Variants in PRRC2B observed in about 807,000 individuals in gnomAD.
PRRC2B encodes the protein protein PRRC2B.
Under a neutral mutation model 242.3 loss-of-function variants are expected in PRRC2B, and 68 were observed. The ratio of observed to expected loss-of-function variants is 0.28; its 90% CI spans 0.23 to 0.34. The LOEUF (loss-of-function observed/expected upper bound fraction) is 0.34, where lower values mean the gene tolerates loss of function less well. Among genes scored for constraint, PRRC2B ranks in the 10% least tolerant of loss-of-function variants. PRRC2B has a pLI of 1.00. For synonymous variants in PRRC2B, 1,228 were observed against 1,173.6 expected (o/e 1.05, Z -0.95); for missense variants, 2,835 against 2,954.8 (o/e 0.96, Z 0.94).
intron 1 of PRRC2B, among the ~76,000 whole-genome samples, chr9:131,406,879 C>T (rs541058168): frequency 4.6e-5 from 7 of 152,272 alleles, no homozygotes; most frequent in African/African-American, 1.4e-4. Flanking sequence ...TCCTTCTTCC[C>T]TGCTGTTTCT....
At chr9:131,397,317 T>G (rs1837089881) in intron 1 of PRRC2B, among the ~76,000 whole-genome samples, 1 of 152,144 alleles carries the variant, frequency 6.6e-6, no homozygotes, top group African/African-American at 2.4e-5. Context: ...AGTGGCCGTC[T>G]CCAGCCTCCA....
Position 131,487,590 on chromosome 9 carries a change from G to A in PRRC2B, c.5985-266G>A, listed in dbSNP as rs1944063035. 6.6e-6 allele frequency among the ~76,000 whole-genome samples: 1 copy of A among 152,092 alleles called. No homozygotes were observed. Among genetic ancestry groups the A allele is most frequent in the African/African-American group, 2.4e-5 (1 of 41,404 alleles). ...ACTCCCTGTCTCCTCCCCACCGCGG[G>A]CTTCTCCGTCAGTGTGGCTGCCAGT... is the stretch of plus-strand genomic sequence containing the variant. On this transcript the variant is annotated intron_variant, in intron 27 of 31. Coordinates refer to ENST00000683519, the MANE Select transcript of PRRC2B (RefSeq NM_013318.4). This position sits in a 1 kb window ranked among gnomAD's most constrained non-coding sequence, Gnocchi z 5.3.
At chr9:131,420,201 C>A (rs1367073057) in intron 1 of PRRC2B, among the ~76,000 whole-genome samples, 1 of 152,062 alleles carries the variant, frequency 6.6e-6, no homozygotes, top group South Asian at 2.1e-4. Flanking sequence ...ACCAGGAACC[C>A]CACTTTCCCC....
In PRRC2B at chr9:131,483,401, A is replaced by G. The variant is rs1943928378; in HGVS notation, c.5416A>G (p.Thr1806Ala). 1 of 1,613,796 alleles carries G rather than the reference A, an allele frequency of 6.2e-7. No homozygotes were observed. Reference sequence around the variant, plus strand: ...GCCACCTGGTTCTGCCTCTGGTCCTACTGGGAGTCCAGTTGTTAAACTTCA... The same window carrying G: ...GCCACCTGGTTCTGCCTCTGGTCCTGCTGGGAGTCCAGTTGTTAAACTTCA... ...SLPPGSASGP[T>A]GSPVVKLQDA... is the part of the protein sequence containing the mutation. Residue 1806 changes from threonine (T) to alanine (A), a missense_variant, in exon 23 of 32, where the codon ACT (threonine) becomes GCT (alanine). By Grantham distance (58) the Thr-to-Ala change is moderately conservative (BLOSUM62 0). Coordinates refer to ENST00000683519, the MANE Select transcript of PRRC2B (RefSeq NM_013318.4).
rs145539042 is a variant in PRRC2B, at chr9:131,443,739, A to T, written c.470-446A>T. Among the ~76,000 whole-genome samples, 42 of 152,288 alleles carry T rather than the reference A, an allele frequency of 2.8e-4. No individual in the cohort carries two copies. The East Asian group carries it at 7.9e-3, about 29-fold the overall frequency. ...AGCCACTGTGCCAGGCAAAAGCAGC[A>T]TCTTAATCCTTTTGGGGTGGACTGG... On this transcript the variant is annotated intron_variant, in intron 5 of 31. Coordinates refer to ENST00000683519, the MANE Select transcript of PRRC2B (RefSeq NM_013318.4).
At chr9:131,485,726 G>A in intron 25 of PRRC2B, 1 of 571,306 alleles carries the variant, frequency 1.8e-6, no homozygotes, top group South Asian at 1.4e-5. Context: ...ATAGCAGGGA[G>A]ATGAAGAGGA....
rs1201056920 is a variant in PRRC2B at position 131,487,913 on chromosome 9, G to A, written c.6042G>A (p.Gly2014=). Residue 2014 remains glycine (G), a synonymous_variant, in exon 28 of 32, where the codon GGG becomes GGA. Coordinates refer to ENST00000683519, the MANE Select transcript of PRRC2B (RefSeq NM_013318.4). This position sits in a 1 kb window ranked among gnomAD's most constrained non-coding sequence, Gnocchi z 5.3. ...CGCCCAGCACCATGATCCTCTCTGG[G>A]GGCACAGCCTTGAAGCCTCCATACT... ...LSPPSTMILS[G]GTALKPPYSA... is the part of the protein sequence containing the mutation. 1 of 1,613,874 alleles carries A rather than the reference G, an allele frequency of 6.2e-7. No individual in the cohort carries two copies. The highest frequency in any genetic ancestry group is 1.1e-5 in the South Asian group (1 of 91,066).
At chr9:131,410,722 T>G (rs1463022183) in intron 1 of PRRC2B, among the ~76,000 whole-genome samples, 2 of 152,230 alleles carry the variant, frequency 1.3e-5, no homozygotes, top group African/African-American at 4.8e-5. Flanking sequence ...ATTCATTTTT[T>G]CTTTTCTTTT....
chr9:131,467,819 C>A, intron 13 of PRRC2B, 66 bp downstream of exon 13: 1 of 1,523,316 alleles, frequency 6.6e-7, no homozygotes, highest in Non-Finnish European at 9.0e-7. Context: ...TGTTTCCCCT[C>A]CTCGTCCCCA....
rs1239774862 is a variant in PRRC2B, at chr9:131,487,457, CTG to C, written c.5984+166_5984+167del. 6.6e-6 allele frequency among the ~76,000 whole-genome samples: 1 copy of C among 152,228 alleles called. No homozygotes were observed. The highest frequency in any genetic ancestry group is 2.4e-5 in the African/African-American group (1 of 41,446). On this transcript the variant is annotated intron_variant, in intron 27 of 31. Transcript: ENST00000683519. This position sits in a 1 kb window ranked among gnomAD's most constrained non-coding sequence, Gnocchi z 5.3. ...GAATCACTCTTCAGTCCGTTGTTAA[CTG>C]TGCTCTAGGAGAGGCCTGGGGCGAG...
At chr9:131,414,730 C>G (rs997034099) in intron 1 of PRRC2B, among the ~76,000 whole-genome samples, 2 of 151,862 alleles carry the variant, frequency 1.3e-5, no homozygotes, top group Non-Finnish European at 2.9e-5. Context: ...CCACCACGCC[C>G]AACTGATTTT....
intron 1 of PRRC2B, among the ~76,000 whole-genome samples, chr9:131,398,789 A>G (rs1223206869): frequency 6.6e-6 from 1 of 152,032 alleles, no homozygotes; most frequent in African/African-American, 2.4e-5. Flanking sequence ...CAGCCTGGGC[A>G]ATGTGATGAA....
rs751058670 is a variant in PRRC2B at position 131,479,208 on chromosome 9, C to G, written c.4759-44C>G. On this transcript the variant is annotated intron_variant, in intron 18 of 31. Coordinates refer to ENST00000683519, the MANE Select transcript of PRRC2B (RefSeq NM_013318.4). ...CTTATCCTGGGGAGAATTTGTCAGT[C>G]TTGGTGCCTTTGGCTAGACTACAGC... The G allele has an allele frequency of 4.4e-6, 7 of 1,603,496 alleles. No individual in the cohort carries two copies. In the African/African-American group the frequency reaches 6.7e-5, roughly 15 times the overall value.
At chr9:131,456,409 A>G (rs1312102512) in intron 10 of PRRC2B, among the ~76,000 whole-genome samples, 2 of 151,958 alleles carry the variant, frequency 1.3e-5, no homozygotes, top group African/African-American at 4.8e-5. Context: ...AGGCGGGCGG[A>G]TCACGAGGTC....
intron 1 of PRRC2B, among the ~76,000 whole-genome samples, chr9:131,388,999 C>T (rs1315181050): frequency 4.7e-5 from 7 of 147,434 alleles, no homozygotes; most frequent in Non-Finnish European, 7.5e-5. Flanking sequence ...TGCCGCCACT[C>T]CTGGCAAATT....
In PRRC2B at chr9:131,467,621, A is replaced by C. The variant is rs1943434303; in HGVS notation, c.1779A>C (p.Thr593=). The change falls in exon 13 of 32, where the codon ACA becomes ACC. Residue 593 remains threonine, a synonymous_variant. Coordinates refer to ENST00000683519, the MANE Select transcript of PRRC2B (RefSeq NM_013318.4). Reference sequence around the variant, plus strand: ...CCACATTCCCAGAAGAGGCACCCACAGTGTCCCCAGCAGTGGCACAGAGCA... The same window carrying C: ...CCACATTCCCAGAAGAGGCACCCACCGTGTCCCCAGCAGTGGCACAGAGCA... ...TPTTFPEEAP[T]VSPAVAQSNS... is the part of the protein sequence containing the mutation. 6.2e-7 allele frequency: 1 copy of C among 1,613,536 alleles called. No homozygotes were observed. Among genetic ancestry groups the C allele is most frequent in the African/African-American group, 1.3e-5 (1 of 74,916 alleles).
At chr9:131,390,030 C>T (rs1403829283), upstream of PRRC2B, among the ~76,000 whole-genome samples, 1 of 144,926 alleles carries the variant, frequency 6.9e-6, no homozygotes, top group Non-Finnish European at 1.5e-5. Flanking sequence ...AAGCGATTCT[C>T]CTGCCTCAGC....
At chr9:131,387,343 C>T (rs537299023) in intron 1 of PRRC2B, among the ~76,000 whole-genome samples, 4 of 150,210 alleles carry the variant, frequency 2.7e-5, no homozygotes, top group East Asian at 2.0e-4. Flanking sequence ...TTTTATGTTC[C>T]GTGGCAGCTG....
At position 131,455,000 on chromosome 9, in the gene PRRC2B, G is replaced by C. The variant is rs112043868; in HGVS notation, c.1121-76G>C. 1,759 of 1,121,282 alleles carry C rather than the reference G, an allele frequency of 1.6e-3. 17 individuals are homozygous for C. In the African/African-American group the frequency reaches 0.019, roughly 12 times the overall value. The allele number at this position is 1,121,282 out of a possible 1,614,324, so 69.5% of individuals were successfully genotyped here. A position where few individuals can be genotyped will look rare whatever the true frequency, so the allele number is the denominator to read the frequency against. On this transcript the variant is annotated intron_variant, in intron 9 of 31. Transcript: ENST00000683519. ...GCCTCGCAAAGTACTGGGATTACAG[G>C]CATGAGCCACCACGTCCGGCCACCA...
Sources: gnomAD v4.1 joint callset for allele counts (sites outside exome capture counted in the v4.1 genomes callset) on GRCh38, gnomAD v4.1.1 for gene constraint, Gnocchi (gnomAD v3.1) non-coding constraint, MANE v1.5 for transcripts, NCBI Gene and HGNC (gene_info 2026-07-23, HGNC 2026-07-21) for gene names.